MAGI2: variants seen among roughly 807,000 people sequenced by gnomAD.
MAGI2 encodes the protein membrane associated guanylate kinase, WW and PDZ domain containing 2.
In MAGI2, 35 loss-of-function variants were observed where a neutral mutation model predicts 133.3. The observed-to-expected ratio is 0.26, with a 90% CI of 0.20 to 0.35. The LOEUF is 0.35. Among genes scored for constraint, MAGI2 ranks in the 10% least tolerant of loss-of-function variants. The pLI is 1.00. For synonymous variants in MAGI2, 729 were observed against 710.6 expected (o/e 1.03, Z -0.41); for missense variants, 1,636 against 1,863.4 (o/e 0.88, Z 2.25).
intron 10 of MAGI2, among the ~76,000 whole-genome samples, chr7:78,238,349 A>G (rs1485029089): frequency 6.6e-6 from 1 of 152,000 alleles, no homozygotes; most frequent in African/African-American, 2.4e-5. Context: ...GACCATATGC[A>G]TCTATCATAG....
intron 2 of MAGI2, among the ~76,000 whole-genome samples, chr7:78,766,017 C>T (rs771621886): frequency 5.3e-5 from 8 of 152,178 alleles, no homozygotes; most frequent in African/African-American, 1.2e-4. Context: ...AACAGCTGTA[C>T]GAATCCAAGA....
chr7:79,160,247 T>A (rs1433962635), intron 1 of MAGI2, among the ~76,000 whole-genome samples: 2 of 152,082 alleles, frequency 1.3e-5, no homozygotes, highest in Non-Finnish European at 2.9e-5. Flanking sequence ...AAAAAGTGAA[T>A]CTAGGTTTTT....
At chr7:78,324,126 C>CACACT (rs199831383) in intron 9 of MAGI2, among the ~76,000 whole-genome samples, 461 of 147,656 alleles carry the variant, frequency 3.1e-3, no homozygotes, top group Middle Eastern at 0.011. Context: ...AAATAATTGA[C>CACACT]ACACTACACT....
rs3840607 is a variant in MAGI2, at chr7:78,069,539, G to GGAGAGAGAGAGAGAGA, written c.3706+9392_3706+9407dup. On this transcript the variant is annotated intron_variant, in intron 21 of 21. Transcript: ENST00000354212. ...AGAGAGAGATTGAAAGAAAGAGAGA[G>GGAGAGAGAGAGAGAGA]GAGAGAGAGAGAGAGAGAGAGAGAG... 3.5e-3 allele frequency among the ~76,000 whole-genome samples: 478 copies of GGAGAGAGAGAGAGAGA among 134,660 alleles called. 3 individuals carry two copies. The highest frequency in any genetic ancestry group is 0.011 in the African/African-American group (382 of 35,586). 88.3% of individuals were successfully genotyped at this position (134,660 alleles called of 152,430 possible). A position where few individuals can be genotyped will look rare whatever the true frequency, so the allele number is the denominator to read the frequency against.
At chr7:78,702,926 G>C (rs1818224273) in intron 2 of MAGI2, among the ~76,000 whole-genome samples, 1 of 76,132 alleles carries the variant, frequency 1.3e-5, no homozygotes, top group Non-Finnish European at 2.6e-5. Flanking sequence ...CAGTTTATAA[G>C]TGACTGTTGA....
At chr7:78,149,764 AC>A (rs1823688243) in intron 16 of MAGI2, among the ~76,000 whole-genome samples, 1 of 152,192 alleles carries the variant, frequency 6.6e-6, no homozygotes, top group African/African-American at 2.4e-5. Flanking sequence ...TGATGAACAG[AC>A]TTATAACAGA....
At chr7:78,899,038 G>T (rs1230514030) in intron 2 of MAGI2, among the ~76,000 whole-genome samples, 2 of 152,200 alleles carry the variant, frequency 1.3e-5, no homozygotes, top group East Asian at 1.9e-4. Context: ...TTAATTAGGG[G>T]TTTTTTCTTC....
intron 20 of MAGI2, among the ~76,000 whole-genome samples, chr7:78,104,944 C>G (rs1261080522): frequency 6.6e-6 from 1 of 151,420 alleles, no homozygotes; most frequent in Non-Finnish European, 1.5e-5. Flanking sequence ...CATGCAATCA[C>G]TAACCGCCTT....
chr7:79,236,633 T>A (rs950984913), intron 1 of MAGI2, among the ~76,000 whole-genome samples: 1 of 152,212 alleles, frequency 6.6e-6, no homozygotes, highest in Non-Finnish European at 1.5e-5. Flanking sequence ...AATGAAACTA[T>A]CGAACTAGAT....
intron 9 of MAGI2, among the ~76,000 whole-genome samples, chr7:78,291,118 C>T (rs928775390): frequency 5.3e-5 from 8 of 152,124 alleles, no homozygotes; most frequent in Admixed American, 1.3e-4. Context: ...ACAAAAAACC[C>T]TTCAAAAGAT....
chr7:78,255,463 T>C, intron 10 of MAGI2: 1 of 246,754 alleles, frequency 4.1e-6, no homozygotes, highest in Non-Finnish European at 7.7e-6. Flanking sequence ...TCACAGTTCA[T>C]GGTCCTTCTG....
intron 9 of MAGI2, among the ~76,000 whole-genome samples, chr7:78,313,881 T>C (rs183035936): frequency 1.3e-5 from 2 of 152,134 alleles, no homozygotes; most frequent in African/African-American, 2.4e-5. Context: ...AAATGAATTA[T>C]AGGAAGAAAG....
At chr7:78,063,751 G>A (rs1813525383) in intron 21 of MAGI2, among the ~76,000 whole-genome samples, 1 of 152,130 alleles carries the variant, frequency 6.6e-6, no homozygotes, top group Non-Finnish European at 1.5e-5. Flanking sequence ...CTACAATTCT[G>A]CTAAGCAGAT....
intron 2 of MAGI2, among the ~76,000 whole-genome samples, chr7:78,688,077 ATG>A (rs1490199122): frequency 9.9e-5 from 15 of 151,928 alleles, no homozygotes. Flanking sequence ...GACAAAAATA[ATG>A]TGTTAATCAC....
chr7:78,681,812 AAAG>A (rs542446662), intron 2 of MAGI2, among the ~76,000 whole-genome samples: 70 of 152,278 alleles, frequency 4.6e-4, no homozygotes, highest in African/African-American at 1.0e-3. Flanking sequence ...AGAGTCAGGG[AAAG>A]AAGAAGAAGA....
intron 21 of MAGI2, among the ~76,000 whole-genome samples, chr7:78,053,335 C>T (rs1216073127): frequency 2.0e-5 from 3 of 152,070 alleles, no homozygotes; most frequent in African/African-American, 4.8e-5. Flanking sequence ...GGTGAGGAGA[C>T]CCTTAATATA....
intron 7 of MAGI2, among the ~76,000 whole-genome samples, chr7:78,356,378 T>G (rs1792084619): frequency 6.6e-6 from 1 of 152,152 alleles, no homozygotes; most frequent in African/African-American, 2.4e-5. Flanking sequence ...GACTTACAGC[T>G]AGATAGGAGG....
chr7:78,640,956 G>C (rs534207051), intron 2 of MAGI2, among the ~76,000 whole-genome samples: 153 of 152,304 alleles, frequency 1.0e-3, no homozygotes, highest in African/African-American at 2.8e-3. Flanking sequence ...AACAGGTGGA[G>C]ATAATTCAAT....
chr7:78,500,148 T>C (rs533881123), intron 5 of MAGI2, among the ~76,000 whole-genome samples: 7 of 152,210 alleles, frequency 4.6e-5, no homozygotes, highest in Non-Finnish European at 2.9e-5. Flanking sequence ...AATTACCTGA[T>C]TATGTAGTCC....
Sources: gnomAD v4.1 joint callset for allele counts (sites outside exome capture counted in the v4.1 genomes callset) on GRCh38, gnomAD v4.1.1 for gene constraint, MANE v1.5 for transcripts, NCBI Gene and HGNC (gene_info 2026-07-23, HGNC 2026-07-21) for gene names.